Variants in TGFBR3 observed in about 807,000 individuals in gnomAD.
TGFBR3 encodes the protein transforming growth factor beta receptor 3.
TGFBR3 carries 46 observed loss-of-function variants against 87.9 expected under a neutral mutation model. That is an observed-to-expected ratio of 0.52 (90% CI 0.41 to 0.67). The LOEUF is 0.67. TGFBR3 is among the 30% of genes least tolerant of loss of function. TGFBR3 has a pLI of 0.00. For synonymous variants in TGFBR3, 381 were observed against 391.6 expected, an observed-to-expected ratio of 0.97 and a Z score of 0.32; for missense variants, 866 against 1,041.9, an observed-to-expected ratio of 0.83 and a Z score of 2.32.
Position 91,787,956 on chromosome 1 carries a change from A to AAAAAAAAAAAAAAAAC in TGFBR3, c.246+9330_246+9331insGTTTTTTTTTTTTTTT, listed in dbSNP as rs906528422. 9.1e-3 allele frequency among the ~76,000 whole-genome samples: 1,363 copies of AAAAAAAAAAAAAAAAC among 149,956 alleles called. 27 individuals are homozygous for AAAAAAAAAAAAAAAAC. Among genetic ancestry groups the AAAAAAAAAAAAAAAAC allele is most frequent in the African/African-American group, 0.032 (1,278 of 40,176 alleles). Reference sequence around the variant, plus strand: ...CTGTCTCACGGGGAAAAAAAAAAAAACCCCAAGAAGAAAGAGTGAGCAGCT... The same window carrying AAAAAAAAAAAAAAAAC: ...CTGTCTCACGGGGAAAAAAAAAAAAAAAAAAAAAAAAAAAACCCCCAAGAAGAAAGAGTGAGCAGCT... On this transcript the variant is annotated intron_variant, in intron 3 of 16. Transcript: ENST00000212355.
intron 7 of TGFBR3, among the ~76,000 whole-genome samples, chr1:91,726,455 G>A (rs1190434785): frequency 2.0e-5 from 3 of 151,646 alleles, no homozygotes; most frequent in East Asian, 1.9e-4. Flanking sequence ...TCATGGCTAG[G>A]CTTTGGGCTT....
At chr1:91,867,654 A>G (rs1191718932) in intron 1 of TGFBR3, among the ~76,000 whole-genome samples, 1 of 152,180 alleles carries the variant, frequency 6.6e-6, no homozygotes, top group Non-Finnish European at 1.5e-5. Flanking sequence ...ATACTCTAAG[A>G]ACCACCTTTT....
intron 3 of TGFBR3, among the ~76,000 whole-genome samples, chr1:91,764,552 C>A (rs1006174098): frequency 6.6e-6 from 1 of 152,028 alleles, no homozygotes. Flanking sequence ...GCCCTTCCTT[C>A]CCAGAGCAGC....
intron 1 of TGFBR3, among the ~76,000 whole-genome samples, chr1:91,879,546 T>C (rs1016598519): frequency 4.6e-5 from 7 of 152,192 alleles, no homozygotes; most frequent in African/African-American, 1.7e-4. Context: ...TGTCAGCCTA[T>C]TAAGTCTTCA....
intron 3 of TGFBR3, among the ~76,000 whole-genome samples, chr1:91,760,623 A>C (rs1189781658): frequency 6.6e-6 from 1 of 152,232 alleles, no homozygotes; most frequent in Non-Finnish European, 1.5e-5. Context: ...CAATACTCCA[A>C]CTGTCATGAG....
chr1:91,819,632 T>C (rs571527429), intron 2 of TGFBR3, among the ~76,000 whole-genome samples: 1 of 152,210 alleles, frequency 6.6e-6, no homozygotes, highest in South Asian at 2.1e-4. Context: ...TAGCTTACAA[T>C]AGCAGGACGT....
intron 4 of TGFBR3, among the ~76,000 whole-genome samples, chr1:91,736,327 G>A (rs192785040): frequency 3.7e-4 from 55 of 150,534 alleles, no homozygotes; most frequent in Middle Eastern, 6.9e-3. Flanking sequence ...GCACTGATAC[G>A]TAGTAAGTGT....
intron 1 of TGFBR3, among the ~76,000 whole-genome samples, chr1:91,877,413 G>C (rs143395143): frequency 0.012 from 1,865 of 151,974 alleles, 12 homozygotes; most frequent in South Asian, 0.048. Context: ...CTGCAGCCTC[G>C]ACCTCCTGGC....
At position 91,803,092 on chromosome 1, in the gene TGFBR3, T is replaced by C. The variant is rs542786969; in HGVS notation, c.62-5621A>G. ...GCTTTAAAAGACTTATCACTCCATC[T>C]CTGCTGTCCAGATGAAGCCCCAAAA... On this transcript the variant is annotated intron_variant, in intron 2 of 16. Transcript: ENST00000212355. Among the ~76,000 whole-genome samples, 5 of 152,340 alleles carry C rather than the reference T, an allele frequency of 3.3e-5. No homozygotes were observed. The South Asian group carries it at 1.0e-3, about 32-fold the overall frequency.
intron 2 of TGFBR3, among the ~76,000 whole-genome samples, chr1:91,805,084 C>G (rs1675780348): frequency 6.6e-6 from 1 of 152,212 alleles, no homozygotes; most frequent in Non-Finnish European, 1.5e-5. Flanking sequence ...CTCACAGAAA[C>G]TCTATAACCC....
chr1:91,796,741 C>G (rs1217544437), intron 3 of TGFBR3, among the ~76,000 whole-genome samples: 1 of 152,116 alleles, frequency 6.6e-6, no homozygotes, highest in Non-Finnish European at 1.5e-5. Context: ...ATTTTTGAAA[C>G]AGGGTTCTGC....
intron 2 of TGFBR3, among the ~76,000 whole-genome samples, chr1:91,823,396 T>C (rs1484377527): frequency 3.9e-5 from 6 of 152,206 alleles, no homozygotes; most frequent in East Asian, 1.9e-4. Context: ...ACTGAGGACA[T>C]ATGTCCAGAA....
chr1:91,732,337 C>T (rs890802507), intron 5 of TGFBR3, among the ~76,000 whole-genome samples: 1 of 152,084 alleles, frequency 6.6e-6, no homozygotes, highest in Admixed American at 6.6e-5. Flanking sequence ...ATCAGATCTC[C>T]TAAAGGGCTG....
intron 1 of TGFBR3, among the ~76,000 whole-genome samples, chr1:91,867,358 G>A (rs950709735): frequency 3.9e-5 from 6 of 152,146 alleles, no homozygotes; most frequent in African/African-American, 7.2e-5. Context: ...GTTCTGTGCC[G>A]GCTGCCTTCA....
chr1:91,702,593 T>C (rs1194404488), intron 14 of TGFBR3, among the ~76,000 whole-genome samples: 4 of 152,224 alleles, frequency 2.6e-5, no homozygotes, highest in African/African-American at 7.2e-5. Context: ...TACTGGAATA[T>C]GTATGGATGA....
chr1:91,689,773 C>T (rs1033505701), intron 16 of TGFBR3, among the ~76,000 whole-genome samples: 3 of 148,626 alleles, frequency 2.0e-5, no homozygotes, highest in South Asian at 2.1e-4. Context: ...TCAGTTTTCT[C>T]GCTACGTAAA....
At chr1:91,831,711 G>T (rs551355099) in intron 2 of TGFBR3, among the ~76,000 whole-genome samples, 3 of 152,304 alleles carry the variant, frequency 2.0e-5, no homozygotes, top group Non-Finnish European at 4.4e-5. Flanking sequence ...CAATAATTTA[G>T]ACTTCAAAGA....
intron 3 of TGFBR3, 72 bp downstream of exon 3, chr1:91,797,215 A>G: frequency 6.6e-7 from 1 of 1,526,340 alleles, no homozygotes; most frequent in Non-Finnish European, 9.1e-7. Context: ...AAGAGAAGAA[A>G]AGGACTTCTG....
At chr1:91,768,969 C>T (rs1365525873) in intron 3 of TGFBR3, among the ~76,000 whole-genome samples, 1 of 152,160 alleles carries the variant, frequency 6.6e-6, no homozygotes, top group African/African-American at 2.4e-5. Flanking sequence ...ACTCTGCCTT[C>T]CTTTCTAAAT....
Sources: gnomAD v4.1 joint callset for allele counts (sites outside exome capture counted in the v4.1 genomes callset) on GRCh38, gnomAD v4.1.1 for gene constraint, MANE v1.5 for transcripts, NCBI Gene and HGNC (gene_info 2026-07-23, HGNC 2026-07-21) for gene names.